The following MALRD1 variants were observed in gnomAD, a reference collection of about 807,000 sequenced individuals.
MALRD1 encodes the protein MAM and LDL receptor class A domain containing 1.
Under a neutral mutation model 242.1 loss-of-function variants are expected in MALRD1, and 247 were observed. That is an observed-to-expected ratio of 1.02 (90% CI 0.92 to 1.13). The LOEUF (loss-of-function observed/expected upper bound fraction) is 1.13, where lower values mean the gene tolerates loss of function less well. Among genes scored for constraint, MALRD1 ranks in the 50% most tolerant of loss-of-function variants. MALRD1 has a pLI of 0.00. For synonymous variants in MALRD1, 995 were observed against 866.6 expected (o/e 1.15, Z -2.60); for missense variants, 2,989 against 2,533.1 (o/e 1.18, Z -3.86).
intron 5 of MALRD1, among the ~76,000 whole-genome samples, chr10:19,117,991 CA>C (rs1836931520): frequency 6.6e-6 from 1 of 151,924 alleles, no homozygotes; most frequent in Non-Finnish European, 1.5e-5. Context: ...ACAATTTAGT[CA>C]GGGAGAAAAA....
chr10:19,158,261 G>A lies in MALRD1; in HGVS notation c.1656+3089G>A, dbSNP rs373525324. On this transcript the variant is annotated intron_variant, in intron 12 of 39. Transcript: ENST00000454679. Reference sequence around the variant, plus strand: ...AGGACTTCACAATTAAATACAGGAAGATGGATAATATGAAGCTTTTGCTTT... The same window carrying A: ...AGGACTTCACAATTAAATACAGGAAAATGGATAATATGAAGCTTTTGCTTT... 1.4e-4 allele frequency among the ~76,000 whole-genome samples: 21 copies of A among 152,352 alleles called. No homozygotes were observed. In the East Asian group the frequency reaches 4.0e-3, roughly 29 times the overall value.
intron 31 of MALRD1, among the ~76,000 whole-genome samples, chr10:19,521,240 T>C (rs1833868531): frequency 1.3e-5 from 2 of 152,140 alleles, no homozygotes. Flanking sequence ...ACAGACTCTA[T>C]TTCCTGGTAA....
At chr10:19,603,769 A>G (rs951219495) in intron 34 of MALRD1, among the ~76,000 whole-genome samples, 3 of 152,114 alleles carry the variant, frequency 2.0e-5, no homozygotes, top group Non-Finnish European at 4.4e-5. Context: ...AAACTTCTTC[A>G]TGACTATCAT....
In MALRD1 at chr10:19,238,552, G is replaced by A. The variant is rs12263413; in HGVS notation, c.2992-19132G>A. On this transcript the variant is annotated intron_variant, in intron 18 of 39. Transcript: ENST00000454679. ...ATATACATTATATATAATATATAAT[G>A]TATATTATATATAATATACATAATG... 5.9e-3 allele frequency among the ~76,000 whole-genome samples: 459 copies of A among 77,158 alleles called. 45 individuals carry two copies. Among genetic ancestry groups the A allele is most frequent in the African/African-American group, 0.025 (445 of 17,574 alleles). 50.6% of individuals were successfully genotyped at this position (77,158 alleles called of 152,430 possible). A position where few individuals can be genotyped will look rare whatever the true frequency, so the allele number is the denominator to read the frequency against.
At chr10:19,186,156 C>T (rs572807580) in intron 14 of MALRD1, among the ~76,000 whole-genome samples, 2 of 152,214 alleles carry the variant, frequency 1.3e-5, no homozygotes, top group South Asian at 4.1e-4. Context: ...AAATAAGTCT[C>T]TGTAGGGAAA....
intron 29 of MALRD1, among the ~76,000 whole-genome samples, chr10:19,466,091 T>C (rs1836205571): frequency 6.6e-6 from 1 of 152,196 alleles, no homozygotes; most frequent in African/African-American, 2.4e-5. Flanking sequence ...TTTTTAAAGA[T>C]TCATGAGCTA....
intron 26 of MALRD1, among the ~76,000 whole-genome samples, chr10:19,380,118 A>G (rs1845775926): frequency 6.6e-6 from 1 of 150,774 alleles, no homozygotes; most frequent in Non-Finnish European, 1.5e-5. Context: ...GGGATTACAG[A>G]CATGCACCAC....
At chr10:19,254,023 T>C (rs1839404648) in intron 18 of MALRD1, among the ~76,000 whole-genome samples, 1 of 151,982 alleles carries the variant, frequency 6.6e-6, no homozygotes, top group African/African-American at 2.4e-5. Context: ...AAGAAGGACA[T>C]GTTATCTTCT....
rs371863318 is a variant in MALRD1 at position 19,734,392 on chromosome 10, A to T, written c.*155A>T. ...ATTTATGAATGAATTTTCTTGCAGAATATAGAGAATGTTTATATGGAATCA... is the reference window on the plus strand; with the variant it reads ...ATTTATGAATGAATTTTCTTGCAGATTATAGAGAATGTTTATATGGAATCA... On this transcript the variant is annotated 3_prime_UTR_variant, in exon 40 of 40. Coordinates refer to ENST00000454679, the MANE Select transcript of MALRD1 (RefSeq NM_001142308.3). 1 of 568,176 alleles carries T rather than the reference A, an allele frequency of 1.8e-6. No individual in the cohort carries two copies. The allele number at this position is 568,176 out of a possible 1,614,324, so 35.2% of individuals were successfully genotyped here.
At chr10:19,329,186 C>A (rs914017322) in intron 23 of MALRD1, among the ~76,000 whole-genome samples, 7 of 152,030 alleles carry the variant, frequency 4.6e-5, no homozygotes, top group African/African-American at 1.4e-4. Context: ...TGTGTGATTT[C>A]TTCCATATTA....
At chr10:19,569,589 C>A (rs16919073) in intron 33 of MALRD1, among the ~76,000 whole-genome samples, 4,044 of 149,574 alleles carry the variant, frequency 0.027, 161 homozygotes, top group African/African-American at 0.092. Flanking sequence ...GTCTTCAATA[C>A]CTCTTCTTCC....
chr10:19,097,406 G>C (rs1046726925), intron 4 of MALRD1, among the ~76,000 whole-genome samples: 4 of 152,134 alleles, frequency 2.6e-5, no homozygotes, highest in Admixed American at 2.6e-4. Flanking sequence ...ATATTCTTTT[G>C]TCTGCTGTGC....
intron 26 of MALRD1, among the ~76,000 whole-genome samples, chr10:19,366,505 C>T (rs957190423): frequency 1.3e-5 from 2 of 152,144 alleles, no homozygotes; most frequent in African/African-American, 4.8e-5. Flanking sequence ...TGGTACCAGT[C>T]TGTGGCCCAG....
At chr10:19,387,913 T>G in intron 27 of MALRD1, 140 bp downstream of exon 27, 1 of 1,118,020 alleles carries the variant, frequency 8.9e-7, no homozygotes, top group East Asian at 2.6e-5. Flanking sequence ...AGTGAGTGTT[T>G]TTTTTCTTAG....
intron 32 of MALRD1, among the ~76,000 whole-genome samples, chr10:19,565,807 G>A (rs1262488984): frequency 6.6e-6 from 1 of 152,140 alleles, no homozygotes; most frequent in East Asian, 1.9e-4. Flanking sequence ...AATGTCTTGA[G>A]AAGCTTCTTT....
chr10:19,262,824 C>A (rs1839814710), intron 19 of MALRD1, among the ~76,000 whole-genome samples: 1 of 152,138 alleles, frequency 6.6e-6, no homozygotes, highest in East Asian at 1.9e-4. Context: ...TGCTAACTAC[C>A]TCTGTACTCT....
At position 19,350,271 on chromosome 10, in the gene MALRD1, C is replaced by CTTTTTTTTT. The variant is rs202204577; in HGVS notation, c.4150-1726_4150-1718dup. Among the ~76,000 whole-genome samples the CTTTTTTTTT allele has an allele frequency of 3.5e-3, 417 of 118,198 alleles. 1 individual carries two copies. Among genetic ancestry groups the CTTTTTTTTT allele is most frequent in the Non-Finnish European group, 4.4e-3 (261 of 59,666 alleles). 77.5% of individuals were successfully genotyped at this position (118,198 alleles called of 152,430 possible). A position where few individuals can be genotyped will look rare whatever the true frequency, so the allele number is the denominator to read the frequency against. On this transcript the variant is annotated intron_variant, in intron 25 of 39. Transcript: ENST00000454679. ...GACCTTAATGATTTTTTCTTTTTTT[C>CTTTTTTTTT]TTTTTTTTTTTTTTTTTGAGATGGA... is the stretch of plus-strand genomic sequence containing the variant.
At chr10:19,677,797 T>C (rs923502261) in intron 36 of MALRD1, among the ~76,000 whole-genome samples, 4 of 152,230 alleles carry the variant, frequency 2.6e-5, no homozygotes, top group African/African-American at 7.2e-5. Context: ...TTTTATAGTT[T>C]TGGGTTTTAC....
intron 12 of MALRD1, among the ~76,000 whole-genome samples, chr10:19,165,281 T>TTTTTGTTTTG (rs760593217): frequency 1.1e-3 from 104 of 95,716 alleles, no homozygotes; most frequent in South Asian, 3.7e-3. Flanking sequence ...TTTTGTTTTG[T>TTTTTGTTTTG]TTTTGTTTTG....
Sources: allele counts gnomAD v4.1 joint callset (sites outside exome capture counted in the v4.1 genomes callset), GRCh38; gene constraint gnomAD v4.1.1; transcripts MANE v1.5; gene names NCBI Gene and HGNC (gene_info 2026-07-23, HGNC 2026-07-21).